PRICKLE2: variants seen among roughly 807,000 people sequenced by gnomAD.
PRICKLE2 encodes the protein prickle planar cell polarity protein 2.
Under a neutral mutation model 81.4 loss-of-function variants are expected in PRICKLE2, and 21 were observed. The ratio of observed to expected loss-of-function variants is 0.26; its 90% CI spans 0.18 to 0.37. The LOEUF (loss-of-function observed/expected upper bound fraction) is 0.37. Among genes scored for constraint, PRICKLE2 ranks in the 10% least tolerant of loss-of-function variants. The pLI is 1.00. For synonymous variants in PRICKLE2, 456 were observed against 421.5 expected (o/e 1.08, Z -1.00); for missense variants, 940 against 1,109.0 (o/e 0.85, Z 2.16).
At chr3:64,145,565 C>T (rs1178509476) in intron 7 of PRICKLE2, 1 of 151,720 alleles carries the variant, frequency 6.6e-6, no homozygotes, top group East Asian at 2.0e-4. Flanking sequence ...AGCTGGACAA[C>T]TTCACTGGAG....
intron 2 of PRICKLE2, among the ~76,000 whole-genome samples, chr3:64,234,552 G>A (rs769519521): frequency 4.9e-4 from 75 of 152,142 alleles, no homozygotes; most frequent in Admixed American, 1.0e-3. Context: ...GTATATTCTG[G>A]GAACATGTCC....
chr3:64,146,947 T>A lies in PRICKLE2; in HGVS notation c.1543A>T (p.Thr515Ser). 6.2e-7 allele frequency: 1 copy of A among 1,614,066 alleles called. No homozygotes were observed. The highest frequency in any genetic ancestry group is 8.5e-7 in the Non-Finnish European group (1 of 1,179,986). Residue 515 changes from threonine (T) to serine (S), a missense_variant, in exon 7 of 8, where the codon ACT becomes TCT. By Grantham distance (58) the Thr-to-Ser change is moderately conservative (BLOSUM62 1). Around this residue, in one of 2 missense-constraint regions of PRICKLE2, gnomAD observed 670 missense variants for 717.2 expected, o/e 0.93. Transcript: ENST00000638394. ...EEEEEEGGLSTQQCRTRHPIS... is the reference protein window; with the variant it reads ...EEEEEEGGLSSQQCRTRHPIS... Reference sequence around the variant, plus strand: ...GGATGACGGGTCCGACACTGCTGAGTGGACAAGCCCCCTTCCTCTTCCTCT... The same window carrying A: ...GGATGACGGGTCCGACACTGCTGAGAGGACAAGCCCCCTTCCTCTTCCTCT...
intron 7 of PRICKLE2, among the ~76,000 whole-genome samples, chr3:64,106,469 T>A (rs1265935095): frequency 6.6e-6 from 1 of 152,212 alleles, no homozygotes; most frequent in Non-Finnish European, 1.5e-5. Flanking sequence ...CAAACAAATA[T>A]CATTGAATGC....
chr3:64,179,561 T>C (rs966041522), intron 2 of PRICKLE2, among the ~76,000 whole-genome samples: 1 of 152,192 alleles, frequency 6.6e-6, no homozygotes, highest in African/African-American at 2.4e-5. Context: ...TAAGAAAGCA[T>C]AGAATTAGCT....
At chr3:64,201,432 C>T (rs1462463767) in intron 1 of PRICKLE2, among the ~76,000 whole-genome samples, 1 of 152,136 alleles carries the variant, frequency 6.6e-6, no homozygotes, top group East Asian at 1.9e-4. Context: ...TTTATTGTAG[C>T]TACTATAGTG....
chr3:64,116,701 T>A (rs1487915009), intron 7 of PRICKLE2, among the ~76,000 whole-genome samples: 1 of 152,120 alleles, frequency 6.6e-6, no homozygotes, highest in Non-Finnish European at 1.5e-5. Context: ...GAGGCAGTAA[T>A]AAATAGCCTA....
rs116591413 is a variant in PRICKLE2, at chr3:64,136,244, G to A, written c.1660+10586C>T. 2.8e-3 allele frequency among the ~76,000 whole-genome samples: 431 copies of A among 152,040 alleles called. 2 individuals are homozygous for A. Among genetic ancestry groups the A allele is most frequent in the African/African-American group, 9.0e-3 (372 of 41,460 alleles). ...AAGAGAAGAGGCAGTGTAGACAGATGCAAGTTCTAACTACAGGCGAGCTCA... is the reference window on the plus strand; with the variant it reads ...AAGAGAAGAGGCAGTGTAGACAGATACAAGTTCTAACTACAGGCGAGCTCA... On this transcript the variant is annotated intron_variant, in intron 7 of 7. Coordinates refer to ENST00000638394, the MANE Select transcript of PRICKLE2 (RefSeq NM_198859.4).
intron 2 of PRICKLE2, among the ~76,000 whole-genome samples, chr3:64,244,624 G>T (rs74691702): frequency 3.4e-3 from 180 of 52,628 alleles, no homozygotes; most frequent in South Asian, 0.013. Flanking sequence ...GTGTGTGTGT[G>T]TGTGTGTGTG....
intron 2 of PRICKLE2, among the ~76,000 whole-genome samples, chr3:64,245,286 C>T (rs1027446316): frequency 3.9e-4 from 13 of 33,222 alleles, no homozygotes; most frequent in Admixed American, 7.2e-4. Context: ...TAAGGAAGGA[C>T]GGGAAAGCTT....
At chr3:64,187,035 A>G (rs1330725660) in intron 2 of PRICKLE2, among the ~76,000 whole-genome samples, 1 of 152,188 alleles carries the variant, frequency 6.6e-6, no homozygotes, top group African/African-American at 2.4e-5. Context: ...TAGAACTCCA[A>G]TGGCAGGTCT....
chr3:64,125,637 A>G (rs927526617), intron 7 of PRICKLE2, among the ~76,000 whole-genome samples: 2 of 152,232 alleles, frequency 1.3e-5, no homozygotes, highest in Non-Finnish European at 2.9e-5. Flanking sequence ...TTCTAGTAAT[A>G]AAGTATTTTT....
chr3:64,222,738 C>T (rs1260204940), intron 1 of PRICKLE2, among the ~76,000 whole-genome samples: 1 of 152,140 alleles, frequency 6.6e-6, no homozygotes, highest in Non-Finnish European at 1.5e-5. Context: ...AATGGCCTCC[C>T]TGGATAGAGA....
At chr3:64,180,431 A>G (rs975506177) in intron 2 of PRICKLE2, among the ~76,000 whole-genome samples, 1 of 152,070 alleles carries the variant, frequency 6.6e-6, no homozygotes, top group Non-Finnish European at 1.5e-5. Context: ...TTATCTTCCC[A>G]TACTGAAACT....
intron 2 of PRICKLE2, among the ~76,000 whole-genome samples, chr3:64,261,978 G>C (rs1559610040): frequency 6.6e-6 from 1 of 152,184 alleles, no homozygotes; most frequent in Non-Finnish European, 1.5e-5. Context: ...ATGGACTAAA[G>C]TTGGACCTGT....
chr3:64,200,557 C>G (rs576717122), intron 1 of PRICKLE2: 1 of 151,972 alleles, frequency 6.6e-6, no homozygotes, highest in Non-Finnish European at 1.5e-5. Context: ...TGGGCTCAAG[C>G]GATCCTCCTG....
chr3:64,179,357 T>C (rs984970145), intron 2 of PRICKLE2, among the ~76,000 whole-genome samples: 2 of 152,158 alleles, frequency 1.3e-5, no homozygotes, highest in Non-Finnish European at 2.9e-5. Flanking sequence ...ATTACAAGTG[T>C]GAGCCACCGT....
intron 7 of PRICKLE2, among the ~76,000 whole-genome samples, chr3:64,141,326 G>A (rs1394469578): frequency 6.6e-6 from 1 of 152,216 alleles, no homozygotes; most frequent in African/African-American, 2.4e-5. Flanking sequence ...GCCTCTCAGT[G>A]CCTCATGTAC....
At chr3:64,125,046 G>A (rs937116140) in intron 7 of PRICKLE2, among the ~76,000 whole-genome samples, 1 of 152,288 alleles carries the variant, frequency 6.6e-6, no homozygotes, top group Non-Finnish European at 1.5e-5. Flanking sequence ...TGATTCATGA[G>A]AGGAGGTTAA....
intron 6 of PRICKLE2, among the ~76,000 whole-genome samples, chr3:64,148,967 A>T (rs540765770): frequency 6.6e-6 from 1 of 152,340 alleles, no homozygotes; most frequent in Admixed American, 6.5e-5. Flanking sequence ...TGTTAAGGAA[A>T]AATCTGCTTT....
Sources: allele counts gnomAD v4.1 joint callset (sites outside exome capture counted in the v4.1 genomes callset), GRCh38; gene constraint gnomAD v4.1.1; regional missense constraint gnomAD v4.1.1; transcripts MANE v1.5; gene names NCBI Gene and HGNC (gene_info 2026-07-23, HGNC 2026-07-21).